The following DOK5 variants were observed in gnomAD, a reference collection of about 807,000 sequenced individuals.
DOK5 encodes docking protein 5.
In DOK5, 27 loss-of-function variants were observed where a neutral mutation model predicts 43.3. That is an observed-to-expected ratio of 0.62 (90% CI 0.46 to 0.86). The LOEUF is 0.86. DOK5 is among the 40% of genes least tolerant of loss of function. The pLI, the probability that DOK5 is intolerant of heterozygous loss-of-function variation, is 0.00. For missense variants in DOK5, 373 were observed against 392.9 expected, an observed-to-expected ratio of 0.95 and a Z score of 0.43; for synonymous variants, 146 against 140.1, an observed-to-expected ratio of 1.04 and a Z score of -0.30.
intron 1 of DOK5, among the ~76,000 whole-genome samples, chr20:54,526,249 T>A (rs2146701324): frequency 6.6e-6 from 1 of 152,218 alleles, no homozygotes; most frequent in African/African-American, 2.4e-5. Context: ...TAATGTTGGA[T>A]AAAGACAGGC....
At chr20:54,485,414 T>C (rs868234034) in intron 1 of DOK5, among the ~76,000 whole-genome samples, 7 of 151,938 alleles carry the variant, frequency 4.6e-5, no homozygotes, top group East Asian at 1.9e-4. Flanking sequence ...TGTTTGGGGA[T>C]TGGCTTTTTT....
intron 7 of DOK5, 71 bp downstream of exon 7, chr20:54,643,649 A>G: frequency 6.5e-7 from 1 of 1,530,040 alleles, no homozygotes; most frequent in Non-Finnish European, 8.8e-7. Context: ...GCTCAGCTCA[A>G]CTCGCAGCTG....
At chr20:54,648,191 A>G (rs754243072) in intron 7 of DOK5, among the ~76,000 whole-genome samples, 1 of 152,062 alleles carries the variant, frequency 6.6e-6, no homozygotes, top group African/African-American at 2.4e-5. Flanking sequence ...TCTTCCATCC[A>G]TCCATTCTTT....
intron 7 of DOK5, among the ~76,000 whole-genome samples, chr20:54,646,935 A>G (rs1600767235): frequency 6.6e-6 from 1 of 151,770 alleles, no homozygotes; most frequent in East Asian, 1.9e-4. Context: ...TAAGGTTGGA[A>G]ATCATACAGA....
Position 54,522,783 on chromosome 20 carries a change from G to A in DOK5, c.67-32150G>A, listed in dbSNP as rs550114871. Among the ~76,000 whole-genome samples the A allele has an allele frequency of 1.3e-4, 20 of 152,182 alleles. No individual in the cohort carries two copies. The South Asian group carries it at 3.7e-3, about 29-fold the overall frequency. On this transcript the variant is annotated intron_variant, in intron 1 of 7. Transcript: ENST00000262593. ...ACTTACCTCGGCCTCCCAAAGTGCT[G>A]GGATTACAGGTGTGAGCCACCGCGC...
At chr20:54,498,857 C>T (rs1982493300) in intron 1 of DOK5, among the ~76,000 whole-genome samples, 1 of 152,164 alleles carries the variant, frequency 6.6e-6, no homozygotes, top group Admixed American at 6.5e-5. Context: ...AGCCATCTAA[C>T]TGTCATTTAA....
At chr20:54,647,065 G>A (rs746579623) in intron 7 of DOK5, among the ~76,000 whole-genome samples, 15 of 152,020 alleles carry the variant, frequency 9.9e-5, no homozygotes, top group Non-Finnish European at 1.9e-4. Context: ...GTTTTTGGTG[G>A]GGAAAGGGAG....
chr20:54,499,406 A>C (rs1568755750), intron 1 of DOK5, among the ~76,000 whole-genome samples: 1 of 152,224 alleles, frequency 6.6e-6, no homozygotes, highest in Non-Finnish European at 1.5e-5. Flanking sequence ...ACCGGTGTCC[A>C]TGCTAGTTCT....
chr20:54,511,458 G>T (rs562694514), intron 1 of DOK5, among the ~76,000 whole-genome samples: 2 of 152,340 alleles, frequency 1.3e-5, no homozygotes, highest in East Asian at 1.9e-4. Context: ...AAAGGTGGTA[G>T]ATAGCTGATA....
chr20:54,579,175 G>C (rs6023376), intron 2 of DOK5, among the ~76,000 whole-genome samples: 55,706 of 151,934 alleles, frequency 0.37, 17,095 homozygotes, highest in African/African-American at 0.84. Flanking sequence ...TTTAAATCAG[G>C]TTGGTTTTTG....
chr20:54,479,757 A>G (rs911505038), intron 1 of DOK5, among the ~76,000 whole-genome samples: 1 of 151,992 alleles, frequency 6.6e-6, no homozygotes, highest in Non-Finnish European at 1.5e-5. Flanking sequence ...TCTATCCCAC[A>G]TCTCCACTTG....
chr20:54,627,989 C>G (rs1013362563), intron 6 of DOK5, among the ~76,000 whole-genome samples: 17 of 152,300 alleles, frequency 1.1e-4, no homozygotes, highest in Middle Eastern at 3.4e-3. Flanking sequence ...GCTTCTCCAC[C>G]CTTCATGATA....
At chr20:54,646,596 A>G (rs1979441826) in intron 7 of DOK5, among the ~76,000 whole-genome samples, 1 of 152,196 alleles carries the variant, frequency 6.6e-6, no homozygotes, top group South Asian at 2.1e-4. Context: ...ATAAGTATTG[A>G]AGATTTAAAA....
intron 1 of DOK5, among the ~76,000 whole-genome samples, chr20:54,482,517 A>T (rs6091892): frequency 0.028 from 4,209 of 152,156 alleles, 205 homozygotes; most frequent in African/African-American, 0.096. Flanking sequence ...TCCTTTTGAG[A>T]TGGAGTCTCG....
intron 1 of DOK5, among the ~76,000 whole-genome samples, chr20:54,519,823 T>C (rs1352595094): frequency 6.6e-6 from 1 of 152,228 alleles, no homozygotes; most frequent in African/African-American, 2.4e-5. Flanking sequence ...TATCCTTGAA[T>C]TCATACTTCT....
chr20:54,486,160 A>C (rs1188080465), intron 1 of DOK5, among the ~76,000 whole-genome samples: 1 of 152,036 alleles, frequency 6.6e-6, no homozygotes, highest in Admixed American at 6.6e-5. Context: ...ATTTTGAGTA[A>C]TTTTTGTATA....
intron 7 of DOK5, among the ~76,000 whole-genome samples, chr20:54,644,710 A>AAAAACAAAAAAAAAAC (rs1979297967): frequency 9.8e-6 from 1 of 102,208 alleles, no homozygotes; most frequent in Non-Finnish European, 2.0e-5. Context: ...CGTCTCAAAA[A>AAAAACAAAAAAAAAAC]AAAAAAAAAA....
At chr20:54,585,061 C>T (rs1287264379) in intron 2 of DOK5, among the ~76,000 whole-genome samples, 1 of 152,064 alleles carries the variant, frequency 6.6e-6, no homozygotes, top group African/African-American at 2.4e-5. Context: ...TACTAAATTA[C>T]TAAATTATTA....
At chr20:54,643,673 G>T (rs1366506948) in intron 7 of DOK5, 95 bp downstream of exon 7, 2 of 1,466,904 alleles carry the variant, frequency 1.4e-6, no homozygotes, top group African/African-American at 2.8e-5. Context: ...CATGCCAGCT[G>T]GTTAGTGCCC....
Sources: gnomAD v4.1 joint callset for allele counts (sites outside exome capture counted in the v4.1 genomes callset) on GRCh38, gnomAD v4.1.1 for gene constraint, MANE v1.5 for transcripts, NCBI Gene and HGNC (gene_info 2026-07-23, HGNC 2026-07-21) for gene names.